Variants in TP63 observed in about 807,000 individuals in gnomAD.
TP63 encodes tumor protein 63.
In TP63, 17 loss-of-function variants were observed where a neutral mutation model predicts 82.8. The ratio of observed to expected loss-of-function variants is 0.21; its 90% confidence interval spans 0.14 to 0.31. The LOEUF is 0.31. Ranked by LOEUF, TP63 falls within the 10% of genes least tolerant of loss-of-function variation. The pLI, the probability that TP63 is intolerant of heterozygous loss-of-function variation, is 1.00. For missense variants in TP63, 648 were observed against 895.3 expected (o/e 0.72, Z 3.52); for synonymous variants, 330 against 321.7 (o/e 1.03, Z -0.28).
rs1379578044 is a variant in TP63, at chr3:189,634,898, CTT to C, written c.62+3322_62+3323del. On this transcript the variant is annotated intron_variant, in intron 1 of 13. Transcript: ENST00000264731. ...TGTTAATTTATTGTTTGGGCTAAAA[CTT>C]GGGCAATTTTCCATTCTTTCATTTC... 1.7e-4 allele frequency among the ~76,000 whole-genome samples: 26 copies of C among 151,868 alleles called. 1 individual carries two copies. The East Asian group carries it at 5.0e-3, about 29-fold the overall frequency.
intron 3 of TP63, among the ~76,000 whole-genome samples, chr3:189,750,717 T>C (rs1721753151): frequency 6.6e-6 from 1 of 152,156 alleles, no homozygotes; most frequent in Non-Finnish European, 1.5e-5. Context: ...GAGACGATAG[T>C]AGTAGTTAGG....
At chr3:189,810,291 A>T (rs142704087) in intron 4 of TP63, among the ~76,000 whole-genome samples, 254 of 152,254 alleles carry the variant, frequency 1.7e-3, no homozygotes, top group Middle Eastern at 0.01. Flanking sequence ...CCATTTTATA[A>T]ATGGAGCACT....
chr3:189,666,543 A>G (rs941379308), intron 1 of TP63, among the ~76,000 whole-genome samples: 14 of 152,146 alleles, frequency 9.2e-5, no homozygotes, highest in Admixed American at 4.6e-4. Context: ...GAAATCCAAT[A>G]TTATTCTAGC....
chr3:189,634,659 G>C (rs1026526119), intron 1 of TP63, among the ~76,000 whole-genome samples: 1 of 151,630 alleles, frequency 6.6e-6, no homozygotes, highest in Non-Finnish European at 1.5e-5. Context: ...GAAAAAAGTT[G>C]GATAAAATCA....
intron 1 of TP63, among the ~76,000 whole-genome samples, chr3:189,649,387 G>T (rs1004823131): frequency 1.4e-5 from 2 of 146,624 alleles, no homozygotes; most frequent in East Asian, 2.4e-4. Flanking sequence ...AAACCAAATA[G>T]CATTATGTTT....
At chr3:189,743,495 C>T (rs1288605946) in intron 3 of TP63, among the ~76,000 whole-genome samples, 1 of 142,508 alleles carries the variant, frequency 7.0e-6, no homozygotes, top group African/African-American at 2.6e-5. Context: ...TAAGTACCTA[C>T]AAACACAAAC....
At chr3:189,626,333 C>T in the TP63 span, among the ~76,000 whole-genome samples, 2 of 152,246 alleles carry the variant, frequency 1.3e-5, no homozygotes, top group Admixed American at 1.3e-4. Context: ...TCAGTCTCTT[C>T]AATTTGAGCA....
chr3:189,738,889 TG>T, intron 3 of TP63, 115 bp downstream of exon 3: 1 of 1,460,522 alleles, frequency 6.8e-7, no homozygotes. Context: ...CCAAGGCCTT[TG>T]GGAAGAGAGT....
chr3:189,874,323 C>T (rs554006578), intron 10 of TP63, among the ~76,000 whole-genome samples: 5 of 152,314 alleles, frequency 3.3e-5, no homozygotes, highest in South Asian at 4.1e-4. Flanking sequence ...CCACCCACCT[C>T]GGCTTCCCAG....
intron 3 of TP63, among the ~76,000 whole-genome samples, chr3:189,765,454 T>TTTTTTTTTTTTTTTTTTA (rs56223992): frequency 7.4e-6 from 1 of 135,590 alleles, no homozygotes; most frequent in Non-Finnish European, 1.6e-5. Context: ...TTTTTTTTTT[T>TTTTTTTTTTTTTTTTTTA]GAGACAGAGT....
intron 3 of TP63, among the ~76,000 whole-genome samples, chr3:189,783,864 G>A (rs1386298023): frequency 1.3e-5 from 2 of 151,660 alleles, no homozygotes; most frequent in Non-Finnish European, 3.0e-5. Context: ...CAGTCTTTTT[G>A]GAAAATAACT....
chr3:189,651,540 C>T (rs1712884318), intron 1 of TP63, among the ~76,000 whole-genome samples: 1 of 94,590 alleles, frequency 1.1e-5, no homozygotes, highest in South Asian at 4.6e-4. Flanking sequence ...AGTGAGATTC[C>T]ATATCAAAAA....
At chr3:189,649,695 G>A (rs1294095462) in intron 1 of TP63, among the ~76,000 whole-genome samples, 1 of 146,702 alleles carries the variant, frequency 6.8e-6, no homozygotes, top group African/African-American at 2.6e-5. Flanking sequence ...CAGATTAAGA[G>A]ACTCAATGAA....
chr3:189,663,521 C>CT (rs397991949), intron 1 of TP63, among the ~76,000 whole-genome samples: 24,469 of 83,048 alleles, frequency 0.29, 6,041 homozygotes, highest in Non-Finnish European at 0.35. Context: ...TTCATTCATT[C>CT]TTTTTTTTTT....
intron 4 of TP63, among the ~76,000 whole-genome samples, chr3:189,819,115 C>T (rs1560217020): frequency 6.6e-6 from 1 of 152,136 alleles, no homozygotes; most frequent in Non-Finnish European, 1.5e-5. Context: ...TTTGGAATAA[C>T]TTTTTCTATA....
intron 3 of TP63, among the ~76,000 whole-genome samples, chr3:189,798,959 A>G (rs936433086): frequency 2.0e-5 from 3 of 152,086 alleles, no homozygotes; most frequent in African/African-American, 7.2e-5. Context: ...AAAAACTTTA[A>G]TTATCTCAAA....
rs114202392 is a variant in TP63, at chr3:189,721,046, A to G, written c.63-16694A>G. On this transcript the variant is annotated intron_variant, in intron 1 of 13. Coordinates refer to ENST00000264731, the MANE Select transcript of TP63 (RefSeq NM_003722.5). Reference sequence around the variant, plus strand: ...GTGATTGGCTTCCGATGAAGTTGCTATAAGAGGACACTGACAGGGAAGATC... The same window carrying G: ...GTGATTGGCTTCCGATGAAGTTGCTGTAAGAGGACACTGACAGGGAAGATC... 2.4e-4 allele frequency among the ~76,000 whole-genome samples: 37 copies of G among 152,358 alleles called. No individual in the cohort carries two copies. In the East Asian group the frequency reaches 6.2e-3, roughly 25 times the overall value.
At chr3:189,651,545 CAA>C (rs71173298) in intron 1 of TP63, among the ~76,000 whole-genome samples, 2 of 118,482 alleles carry the variant, frequency 1.7e-5, no homozygotes, top group African/African-American at 3.7e-5. Flanking sequence ...GATTCCATAT[CAA>C]AAAAAAAAAA....
At chr3:189,855,938 T>C (rs1716236198) in intron 4 of TP63, among the ~76,000 whole-genome samples, 1 of 152,022 alleles carries the variant, frequency 6.6e-6, no homozygotes, top group Non-Finnish European at 1.5e-5. Context: ...GTGACAACAC[T>C]ACAGGGCAAG....
Sources: allele counts gnomAD v4.1 joint callset (sites outside exome capture counted in the v4.1 genomes callset), GRCh38; gene constraint gnomAD v4.1.1; transcripts MANE v1.5; gene names NCBI Gene and HGNC (gene_info 2026-07-23, HGNC 2026-07-21).